The following CRIM1 variants were observed in gnomAD, a reference collection of about 807,000 sequenced individuals.
CRIM1 encodes the protein cysteine-rich motor neuron 1 protein.
A neutral mutation model predicts 116.4 loss-of-function variants in CRIM1; 32 were observed. The observed-to-expected ratio is 0.27, with a 90% CI of 0.21 to 0.37. The LOEUF is 0.37. Among genes scored for constraint, CRIM1 ranks in the 10% least tolerant of loss-of-function variants. CRIM1 has a pLI of 1.00. For synonymous variants in CRIM1, 590 were observed against 509.2 expected (o/e 1.16, Z -2.13); for missense variants, 1,331 against 1,354.8 (o/e 0.98, Z 0.28).
intron 10 of CRIM1, 21 bp from the exon 11 acceptor site, chr2:36,513,535 G>A (rs778584080): frequency 1.9e-5 from 30 of 1,609,612 alleles, no homozygotes; most frequent in Non-Finnish European, 2.5e-5. Context: ...TTCTTTACCA[G>A]GCTGCCTTTT....
intron 4 of CRIM1, among the ~76,000 whole-genome samples, chr2:36,445,525 C>A (rs994507126): frequency 1.3e-5 from 2 of 152,194 alleles, no homozygotes; most frequent in East Asian, 3.9e-4. Flanking sequence ...TACATTGTTA[C>A]TGAATTGTCG....
chr2:36,381,347 G>A (rs978235840), intron 1 of CRIM1, among the ~76,000 whole-genome samples: 5 of 152,234 alleles, frequency 3.3e-5, no homozygotes, highest in African/African-American at 7.2e-5. Flanking sequence ...CACTGGGGGC[G>A]GGGCTGGCAG....
intron 7 of CRIM1, among the ~76,000 whole-genome samples, chr2:36,484,304 T>C (rs183593763): frequency 2.5e-4 from 38 of 152,332 alleles, no homozygotes; most frequent in African/African-American, 8.7e-4. Context: ...TTTTTTTACA[T>C]TGTCATTAGA....
At chr2:36,496,313 A>G (rs993178654) in intron 7 of CRIM1, among the ~76,000 whole-genome samples, 5 of 152,180 alleles carry the variant, frequency 3.3e-5, no homozygotes, top group Admixed American at 3.3e-4. Context: ...ACCCTAATCT[A>G]TTGAGGGGAA....
chr2:36,399,243 A>C (rs1672249624), intron 2 of CRIM1, among the ~76,000 whole-genome samples: 1 of 152,252 alleles, frequency 6.6e-6, no homozygotes, highest in Admixed American at 6.5e-5. Flanking sequence ...AGGTTTATGA[A>C]CAGACAGAAT....
intron 13 of CRIM1, among the ~76,000 whole-genome samples, chr2:36,522,878 G>A (rs919376554): frequency 1.3e-4 from 19 of 151,672 alleles, no homozygotes; most frequent in African/African-American, 2.7e-4. Context: ...CAGCACTGTC[G>A]TGTTCTATCG....
intron 2 of CRIM1, among the ~76,000 whole-genome samples, chr2:36,421,580 G>A (rs962047084): frequency 1.3e-5 from 2 of 152,172 alleles, no homozygotes; most frequent in East Asian, 3.8e-4. Context: ...TCAGGGAAAG[G>A]GAATTACCAG....
At chr2:36,453,960 C>T (rs939219348) in intron 4 of CRIM1, among the ~76,000 whole-genome samples, 23 of 152,198 alleles carry the variant, frequency 1.5e-4, no homozygotes, top group Non-Finnish European at 2.9e-4. Flanking sequence ...ATCCCACCTA[C>T]CTTTATGATT....
intron 1 of CRIM1, among the ~76,000 whole-genome samples, chr2:36,368,793 G>A (rs927618875): frequency 1.3e-5 from 2 of 152,142 alleles, no homozygotes; most frequent in Non-Finnish European, 2.9e-5. Flanking sequence ...TGTAAACTTA[G>A]ATAATTTTTA....
In CRIM1 at chr2:36,550,413, T is replaced by C. The variant is rs11550291; in HGVS notation, c.*1712T>C. On this transcript the variant is annotated 3_prime_UTR_variant, in exon 17 of 17. Coordinates refer to ENST00000280527, the MANE Select transcript of CRIM1 (RefSeq NM_016441.3). Reference sequence around the variant, plus strand: ...TAACCCATTTGTGCATTGAGTTTTCTTTTAAAAATGCTTGTTGTGAAAGAC... The same window carrying C: ...TAACCCATTTGTGCATTGAGTTTTCCTTTAAAAATGCTTGTTGTGAAAGAC... 1 of 152,508 alleles carries C rather than the reference T, an allele frequency of 6.6e-6. No homozygotes were observed. Among genetic ancestry groups the C allele is most frequent in the Non-Finnish European group, 1.5e-5 (1 of 68,008 alleles). 9.4% of individuals were successfully genotyped at this position (152,508 alleles called of 1,614,324 possible).
At chr2:36,500,394 A>G (rs1168838136) in intron 8 of CRIM1, among the ~76,000 whole-genome samples, 1 of 152,196 alleles carries the variant, frequency 6.6e-6, no homozygotes, top group Non-Finnish European at 1.5e-5. Flanking sequence ...CTAAGTTTGC[A>G]TTAGCTCCTT....
In CRIM1 at chr2:36,465,137, C is replaced by T. The variant is rs552419026; in HGVS notation, c.991+482C>T. Among the ~76,000 whole-genome samples the T allele has an allele frequency of 1.6e-4, 25 of 152,294 alleles. 1 individual carries two copies. The highest frequency in any genetic ancestry group is 3.2e-4 in the Non-Finnish European group (22 of 68,012). On this transcript the variant is annotated intron_variant, in intron 5 of 16. Coordinates refer to ENST00000280527, the MANE Select transcript of CRIM1 (RefSeq NM_016441.3). ...TGATCTTAGCCAAAAGGCTGAGAGGCGGTGGGGAAGACATCTTTAATCAGT... is the reference window on the plus strand; with the variant it reads ...TGATCTTAGCCAAAAGGCTGAGAGGTGGTGGGGAAGACATCTTTAATCAGT...
chr2:36,372,542 T>G (rs1670012004), intron 1 of CRIM1, among the ~76,000 whole-genome samples: 1 of 152,144 alleles, frequency 6.6e-6, no homozygotes, highest in Middle Eastern at 3.4e-3. Context: ...AGATAGAGAG[T>G]TTTGGCCAAG....
At chr2:36,455,581 A>C (rs186725192) in intron 4 of CRIM1, among the ~76,000 whole-genome samples, 151 of 152,302 alleles carry the variant, frequency 9.9e-4, no homozygotes, top group South Asian at 2.9e-3. Flanking sequence ...AGACAGAGTC[A>C]CCGGAAGGGA....
At chr2:36,539,366 T>G (rs1427453314) in intron 14 of CRIM1, among the ~76,000 whole-genome samples, 1 of 152,112 alleles carries the variant, frequency 6.6e-6, no homozygotes, top group Non-Finnish European at 1.5e-5. Context: ...AGGAGCTGTG[T>G]GGAGGTAACT....
At chr2:36,427,105 G>A (rs1413576629) in intron 2 of CRIM1, among the ~76,000 whole-genome samples, 4 of 151,910 alleles carry the variant, frequency 2.6e-5, no homozygotes, top group East Asian at 1.9e-4. Flanking sequence ...GGAGGCTAAG[G>A]AAGGAGAATT....
At chr2:36,394,213 A>G (rs144035991) in intron 1 of CRIM1, among the ~76,000 whole-genome samples, 35 of 152,322 alleles carry the variant, frequency 2.3e-4, no homozygotes, top group African/African-American at 8.4e-4. Flanking sequence ...GGAAAGGAGG[A>G]CAAATATACA....
intron 4 of CRIM1, among the ~76,000 whole-genome samples, chr2:36,443,729 A>G (rs57106028): frequency 8.4e-4 from 128 of 152,312 alleles, no homozygotes; most frequent in African/African-American, 3.0e-3. Context: ...TAAGGTAAGT[A>G]TCAGTTATCT....
At chr2:36,401,065 A>G (rs1227183995) in intron 2 of CRIM1, among the ~76,000 whole-genome samples, 1 of 152,142 alleles carries the variant, frequency 6.6e-6, no homozygotes, top group Non-Finnish European at 1.5e-5. Flanking sequence ...TGATGCTGAA[A>G]ATGAATTCGA....
Sources: gnomAD v4.1 joint callset for allele counts (sites outside exome capture counted in the v4.1 genomes callset) on GRCh38, gnomAD v4.1.1 for gene constraint, MANE v1.5 for transcripts, NCBI Gene and HGNC (gene_info 2026-07-23, HGNC 2026-07-21) for gene names.